Variants in IGF2BP2 observed in about 807,000 individuals in gnomAD.
IGF2BP2 encodes the protein insulin like growth factor 2 mRNA binding protein 2.
IGF2BP2 carries 17 observed loss-of-function variants against 75.8 expected under a neutral mutation model. The observed-to-expected ratio is 0.22, with a 90% CI of 0.15 to 0.34. The LOEUF (loss-of-function observed/expected upper bound fraction) is 0.34, where lower values mean the gene tolerates loss of function less well. IGF2BP2 is among the 10% of genes least tolerant of loss of function. The probability of loss-of-function intolerance (pLI) is 1.00; values close to 1 mark genes in which losing one functional copy is unlikely to be tolerated. For synonymous variants in IGF2BP2, 288 were observed against 295.6 expected, an observed-to-expected ratio of 0.97 and a Z score of 0.26; for missense variants, 516 against 772.4, an observed-to-expected ratio of 0.67 and a Z score of 3.93.
rs150254282 is a variant in IGF2BP2, at chr3:185,748,966, C to T, written c.240-50619G>A. Among the ~76,000 whole-genome samples, 1,476 of 152,248 alleles carry T rather than the reference C, an allele frequency of 9.7e-3. 26 individuals carry two copies. The highest frequency in any genetic ancestry group is 0.032 in the African/African-American group (1,349 of 41,556). On this transcript the variant is annotated intron_variant, in intron 2 of 15. Transcript: ENST00000382199. The stretch of plus-strand genomic sequence containing the variant: ...ATCACTTGAGGTCAGGAGTTCAAGA[C>T]CAGCCTGGCCAAGATGGTGAAATCC...
intron 5 of IGF2BP2, 90 bp from the exon 6 acceptor site, chr3:185,689,717 C>T (rs537170630): frequency 7.4e-5 from 111 of 1,497,960 alleles, no homozygotes; most frequent in Non-Finnish European, 9.7e-5. Flanking sequence ...GCCTGTAATC[C>T]CAGCACTTTG....
chr3:185,781,996 G>T (rs1202428653), intron 2 of IGF2BP2, among the ~76,000 whole-genome samples: 1 of 152,008 alleles, frequency 6.6e-6, no homozygotes, highest in Non-Finnish European at 1.5e-5. Context: ...TATATATATT[G>T]TTTAAAAAAT....
At chr3:185,698,832 TAAG>T (rs919244910) in intron 2 of IGF2BP2, among the ~76,000 whole-genome samples, 8 of 151,830 alleles carry the variant, frequency 5.3e-5, no homozygotes, top group Non-Finnish European at 1.2e-4. Flanking sequence ...GTTTGTTTTT[TAAG>T]AAGGGGTCTC....
chr3:185,665,239 AAGGAGAAGAAGGAGAAGG>A (rs1717149347), intron 10 of IGF2BP2, among the ~76,000 whole-genome samples: 1 of 121,682 alleles, frequency 8.2e-6, no homozygotes, highest in South Asian at 3.0e-4. Flanking sequence ...GGAGGAGGAG[AAGGAGAAGAAGGAGAAGG>A]AGGAGGAGGA....
chr3:185,715,071 G>A (rs185603433), intron 2 of IGF2BP2, among the ~76,000 whole-genome samples: 3 of 152,338 alleles, frequency 2.0e-5, no homozygotes, highest in African/African-American at 7.2e-5. Context: ...GGGCAAGACA[G>A]ACAGGAGGGG....
chr3:185,691,468 T>C (rs1721945049), intron 5 of IGF2BP2, among the ~76,000 whole-genome samples: 1 of 152,182 alleles, frequency 6.6e-6, no homozygotes, highest in African/African-American at 2.4e-5. Flanking sequence ...GTTAAATATC[T>C]TTGTATGTTG....
intron 2 of IGF2BP2, among the ~76,000 whole-genome samples, chr3:185,756,869 A>G (rs1201374859): frequency 6.6e-6 from 1 of 152,160 alleles, no homozygotes; most frequent in East Asian, 1.9e-4. Flanking sequence ...TAGCTAGTCT[A>G]GAGACTGAGG....
In IGF2BP2 at chr3:185,824,848, G is replaced by C. The variant is rs1489089381; in HGVS notation, c.113C>G (p.Ser38Cys). 2 of 1,550,756 alleles carry C rather than the reference G, an allele frequency of 1.3e-6. No homozygotes were observed. Among genetic ancestry groups the C allele is most frequent in the Non-Finnish European group, 1.7e-6 (2 of 1,147,722 alleles). ...LPLAGQVLLK[S>C]GYAFVDYPDQ... is the part of the protein sequence containing the mutation. ...GGGGTAGTCCACGAAGGCGTAGCCGGACTTCAGCAGGACCTGTCCCGCCAG... is the reference window on the plus strand; with the variant it reads ...GGGGTAGTCCACGAAGGCGTAGCCGCACTTCAGCAGGACCTGTCCCGCCAG... The change falls in exon 1 of 16, where the codon TCC (serine) becomes TGC (cysteine). Residue 38 changes from serine (S) to cysteine (C), a missense_variant. Physicochemically the swap from Ser to Cys is moderately radical, Grantham distance 112. Around this residue, in one of 3 missense-constraint regions of IGF2BP2, gnomAD observed 312 missense variants for 474.5 expected, o/e 0.66. Transcript: ENST00000382199.
chr3:185,733,573 A>C (rs549661075), intron 2 of IGF2BP2, among the ~76,000 whole-genome samples: 1 of 152,346 alleles, frequency 6.6e-6, no homozygotes, highest in African/African-American at 2.4e-5. Flanking sequence ...CCTGACCAAC[A>C]TGGAGAAACC....
intron 1 of IGF2BP2, among the ~76,000 whole-genome samples, 188 bp downstream of exon 1, chr3:185,824,595 T>TG (rs1741794045): frequency 5.4e-5 from 1 of 18,642 alleles, no homozygotes; most frequent in African/African-American, 2.3e-4. Context: ...TCCAGAGCTG[T>TG]GGGGGGAGGG....
intron 10 of IGF2BP2, among the ~76,000 whole-genome samples, chr3:185,662,494 A>C (rs1199273748): frequency 2.2e-5 from 3 of 133,518 alleles, no homozygotes; most frequent in Admixed American, 7.7e-5. Flanking sequence ...AAAAAAAGAC[A>C]AAAAAAAAAA....
chr3:185,689,299 A>G, intron 6 of IGF2BP2, 56 bp downstream of exon 6: 1 of 1,573,146 alleles, frequency 6.4e-7, no homozygotes, highest in Non-Finnish European at 8.6e-7. Flanking sequence ...GCTGAGACCC[A>G]CCAGCACGCA....
At chr3:185,777,472 C>T (rs1194453143) in intron 2 of IGF2BP2, among the ~76,000 whole-genome samples, 1 of 151,972 alleles carries the variant, frequency 6.6e-6, no homozygotes, top group East Asian at 1.9e-4. Flanking sequence ...GCCTGGGTGA[C>T]AGAGCAAGAC....
chr3:185,750,980 G>A (rs560522479), intron 2 of IGF2BP2, among the ~76,000 whole-genome samples: 1 of 152,332 alleles, frequency 6.6e-6, no homozygotes, highest in Admixed American at 6.5e-5. Flanking sequence ...ACTCTGGGAG[G>A]CCAATGTGGG....
At chr3:185,722,190 T>G in intron 2 of IGF2BP2, 1 of 454,134 alleles carries the variant, frequency 2.2e-6, no homozygotes, top group Non-Finnish European at 4.4e-6. Context: ...CACTTCAGCC[T>G]CCCAAAGTGC....
At chr3:185,702,639 T>C (rs903653964) in intron 2 of IGF2BP2, among the ~76,000 whole-genome samples, 3 of 152,142 alleles carry the variant, frequency 2.0e-5, no homozygotes, top group Non-Finnish European at 4.4e-5. Context: ...ATCTTTGGCC[T>C]GCACCTCCCC....
intron 8 of IGF2BP2, 119 bp from the exon 9 acceptor site, chr3:185,675,550 C>A: frequency 7.3e-6 from 9 of 1,227,502 alleles, no homozygotes; most frequent in Non-Finnish European, 9.2e-6. Context: ...TCCCTCCCAA[C>A]ACACTGTGGT....
chr3:185,731,233 G>A (rs1197126788), intron 2 of IGF2BP2, among the ~76,000 whole-genome samples: 2 of 150,284 alleles, frequency 1.3e-5, no homozygotes, highest in Non-Finnish European at 3.0e-5. Context: ...AGGCTGTGTA[G>A]CTGCATCACT....
intron 12 of IGF2BP2, 97 bp from the exon 13 acceptor site, chr3:185,652,265 C>T (rs927453799): frequency 5.9e-6 from 6 of 1,010,270 alleles, no homozygotes; most frequent in Admixed American, 2.4e-5. Flanking sequence ...GCAGGAGGTT[C>T]CAGGTCTTGC....
Sources: gnomAD v4.1 joint callset for allele counts (sites outside exome capture counted in the v4.1 genomes callset) on GRCh38, gnomAD v4.1.1 for gene constraint, gnomAD v4.1.1 regional missense constraint, MANE v1.5 for transcripts, NCBI Gene and HGNC (gene_info 2026-07-23, HGNC 2026-07-21) for gene names.